Variants in SLC39A10 observed in about 807,000 individuals in gnomAD.
SLC39A10 encodes zinc transporter ZIP10.
In SLC39A10, 13 loss-of-function variants were observed where a neutral mutation model predicts 65.1. That is an observed-to-expected ratio of 0.20 (90% CI 0.13 to 0.32). The LOEUF is 0.32. SLC39A10 is among the 10% of genes least tolerant of loss of function. SLC39A10 has a pLI of 1.00. For missense variants in SLC39A10, 831 were observed against 1,018.4 expected, an observed-to-expected ratio of 0.82 and a Z score of 2.50; for synonymous variants, 321 against 342.2, an observed-to-expected ratio of 0.94 and a Z score of 0.68.
intron 2 of SLC39A10, among the ~76,000 whole-genome samples, chr2:195,640,832 G>A (rs1454500631): frequency 2.0e-5 from 3 of 152,170 alleles, no homozygotes; most frequent in Non-Finnish European, 4.4e-5. Flanking sequence ...GGCAAAAAAA[G>A]CGAGAGAGAG....
upstream of SLC39A10, among the ~76,000 whole-genome samples, chr2:195,654,013 A>G (rs1261876799): frequency 6.6e-6 from 1 of 152,078 alleles, no homozygotes; most frequent in Non-Finnish European, 1.5e-5. Flanking sequence ...ATCTCGGCTC[A>G]CCGCAACCTC....
intron 8 of SLC39A10, among the ~76,000 whole-genome samples, chr2:195,727,477 G>A (rs934955253): frequency 2.0e-5 from 3 of 152,058 alleles, no homozygotes; most frequent in Non-Finnish European, 4.4e-5. Context: ...GGTAGGAAGA[G>A]CTCTTCATTC....
chr2:195,625,466 G>A (rs1411264676), intron 2 of SLC39A10, among the ~76,000 whole-genome samples: 6 of 151,734 alleles, frequency 4.0e-5, no homozygotes, highest in Non-Finnish European at 8.8e-5. Flanking sequence ...TAGTAGAGAC[G>A]GGGTTTCTCC....
intron 3 of SLC39A10, among the ~76,000 whole-genome samples, chr2:195,684,982 A>G (rs895250527): frequency 9.2e-5 from 14 of 152,164 alleles, no homozygotes; most frequent in Non-Finnish European, 1.9e-4. Context: ...CTTTTATGAG[A>G]TAGGTAATGT....
intron 2 of SLC39A10, among the ~76,000 whole-genome samples, 169 bp from the exon 3 acceptor site, chr2:195,683,530 G>A (rs115759342): frequency 0.013 from 1,978 of 152,064 alleles, 44 homozygotes; most frequent in African/African-American, 0.044. Flanking sequence ...ATAGTTGAGT[G>A]TATCCCTATT....
intron 3 of SLC39A10, among the ~76,000 whole-genome samples, chr2:195,688,790 C>A (rs549606532): frequency 6.6e-5 from 10 of 152,248 alleles, no homozygotes; most frequent in African/African-American, 2.2e-4. Flanking sequence ...ATTAACCTTA[C>A]TACTTATGTA....
chr2:195,618,584 A>T (rs1369260368), intron 2 of SLC39A10, among the ~76,000 whole-genome samples: 1 of 152,206 alleles, frequency 6.6e-6, no homozygotes, highest in East Asian at 1.9e-4. Context: ...TTTTCATGGC[A>T]CTTTTCCTTA....
At chr2:195,620,458 T>C (rs77395322) in intron 2 of SLC39A10, among the ~76,000 whole-genome samples, 6,297 of 152,246 alleles carry the variant, frequency 0.041, 324 homozygotes, top group African/African-American at 0.11. Flanking sequence ...GCATGAAATA[T>C]AGTGCAAAAC....
chr2:195,725,614 G>T (rs1203371408), intron 8 of SLC39A10, among the ~76,000 whole-genome samples: 1 of 152,098 alleles, frequency 6.6e-6, no homozygotes, highest in Non-Finnish European at 1.5e-5. Context: ...ATAGGTGTCT[G>T]CCCAAGAGAA....
chr2:195,725,408 A>G (rs1574318019), intron 8 of SLC39A10, among the ~76,000 whole-genome samples: 1 of 152,190 alleles, frequency 6.6e-6, no homozygotes, highest in East Asian at 1.9e-4. Flanking sequence ...ACAGCCCAAC[A>G]AAATAAAATA....
intron 1 of SLC39A10, among the ~76,000 whole-genome samples, chr2:195,669,559 TA>T (rs1689769511): frequency 6.6e-6 from 1 of 152,230 alleles, no homozygotes. Context: ...TAAGACAAAA[TA>T]TCTGTAGGAA....
chr2:195,618,102 T>C (rs1486650465), intron 2 of SLC39A10, among the ~76,000 whole-genome samples: 1 of 151,388 alleles, frequency 6.6e-6, no homozygotes, highest in East Asian at 2.0e-4. Context: ...GTAATCCCAG[T>C]ACTTTGGGAG....
intron 8 of SLC39A10, among the ~76,000 whole-genome samples, chr2:195,723,975 G>GT (rs1158488332): frequency 6.6e-6 from 1 of 152,108 alleles, no homozygotes; most frequent in African/African-American, 2.4e-5. Flanking sequence ...AGGTTATAGT[G>GT]TTGTACATTT....
intron 1 of SLC39A10, among the ~76,000 whole-genome samples, chr2:195,679,015 C>G (rs984674384): frequency 1.3e-5 from 2 of 152,114 alleles, no homozygotes; most frequent in Non-Finnish European, 2.9e-5. Flanking sequence ...ACATGTTCTG[C>G]GTCTACGTTG....
At chr2:195,642,508 AAT>A (rs1688831943) in intron 2 of SLC39A10, among the ~76,000 whole-genome samples, 1 of 152,146 alleles carries the variant, frequency 6.6e-6, no homozygotes, top group African/African-American at 2.4e-5. Context: ...GGACATTTTA[AAT>A]TATCCAAGCG....
chr2:195,684,666 A>G (rs1398098292), intron 3 of SLC39A10, among the ~76,000 whole-genome samples: 1 of 151,750 alleles, frequency 6.6e-6, no homozygotes, highest in Non-Finnish European at 1.5e-5. Flanking sequence ...TATGAAGTCC[A>G]GTTAAAGCTA....
intron 3 of SLC39A10, among the ~76,000 whole-genome samples, chr2:195,687,090 A>G (rs904295711): frequency 1.7e-4 from 26 of 152,156 alleles, no homozygotes; most frequent in African/African-American, 6.3e-4. Flanking sequence ...CTTCGAATAG[A>G]TAAATTTGTC....
chr2:195,646,651 C>T (rs530913754), intron 2 of SLC39A10, among the ~76,000 whole-genome samples: 5 of 134,718 alleles, frequency 3.7e-5, no homozygotes, highest in African/African-American at 1.4e-4. Context: ...CCCCTACAGA[C>T]CCGGTAAGGC....
Position 195,718,336 on chromosome 2 carries a change from AT to A in SLC39A10, c.2146+5del, listed in dbSNP as rs754049898. The stretch of plus-strand genomic sequence containing the variant: ...CATGAACTGCCACATGAATTAGGTA[AT>A]ATAACCTTAAAAATTTTACCAGATT... On this transcript the variant is annotated splice_donor_5th_base_variant and intron_variant, in intron 8 of 9. Transcript: ENST00000359634. The A allele has an allele frequency of 6.3e-7, 1 of 1,594,176 alleles. No individual in the cohort carries two copies. Among genetic ancestry groups the A allele is most frequent in the Non-Finnish European group, 8.6e-7 (1 of 1,165,926 alleles).
Sources: gnomAD v4.1 joint callset for allele counts (sites outside exome capture counted in the v4.1 genomes callset) on GRCh38, gnomAD v4.1.1 for gene constraint, MANE v1.5 for transcripts, NCBI Gene and HGNC (gene_info 2026-07-23, HGNC 2026-07-21) for gene names.